ARSF: variants seen among roughly 807,000 people sequenced by gnomAD.
ARSF encodes arylsulfatase F.
ARSF carries 33 observed loss-of-function variants against 35.4 expected under a neutral mutation model. That is an observed-to-expected ratio of 0.93 (90% CI 0.71 to 1.25). The LOEUF (loss-of-function observed/expected upper bound fraction) is 1.25, where lower values mean the gene tolerates loss of function less well. Among genes scored for constraint, ARSF ranks in the 50% most tolerant of loss-of-function variants. ARSF has a pLI of 0.00. For synonymous variants in ARSF, 222 were observed against 193.1 expected, an observed-to-expected ratio of 1.15 and a Z score of -1.24; for missense variants, 501 against 480.2, an observed-to-expected ratio of 1.04 and a Z score of -0.40.
intron 4 of ARSF, 151 bp from the exon 5 acceptor site, chrX:3,080,740 T>C (rs1314150832): frequency 6.5e-6 from 4 of 619,500 alleles, no homozygotes; most frequent in Non-Finnish European, 9.5e-6. Context: ...TTCTTGAGGC[T>C]CCACCCTCCT....
Position 3,110,013 on chromosome X carries a change from G to A in ARSF, c.1266-115G>A, listed in dbSNP as rs768499693. The A allele has an allele frequency of 5.5e-5, 40 of 724,273 alleles. No individual in the cohort carries two copies. The East Asian group carries it at 1.4e-3, about 26-fold the overall frequency. The allele number at this position is 724,273 out of a possible 1,213,427, so 59.7% of individuals were successfully genotyped here. ...ATGAGTTTTCCTAAAGACTCAGTAC[G>A]CTGTCCTCTGGACCTGAGGCATGAC... On this transcript the variant is annotated intron_variant, in intron 9 of 10. Transcript: ENST00000381127.
chrX:3,069,513 T>TG (rs2090088264), intron 2 of ARSF, among the ~76,000 whole-genome samples: 1 of 109,882 alleles, frequency 9.1e-6, no homozygotes, highest in Non-Finnish European at 1.9e-5. Context: ...TTTGTAGGGA[T>TG]GGGGTCTCAC....
At chrX:3,058,578 C>T (rs1480221023) in intron 1 of ARSF, 2 of 320,174 alleles carry the variant, frequency 6.2e-6, no homozygotes, top group Non-Finnish European at 1.2e-5. Flanking sequence ...CTAGGCTGGG[C>T]ATGATGGCTC....
intron 2 of ARSF, among the ~76,000 whole-genome samples, chrX:3,070,956 TG>T (rs2090099242): frequency 1.1e-5 from 1 of 95,122 alleles, no homozygotes; most frequent in Non-Finnish European, 2.1e-5. Flanking sequence ...TGTGTGTGTG[TG>T]TGTGTGTGTG....
chrX:3,054,858 C>G (rs1184594240), intron 1 of ARSF, among the ~76,000 whole-genome samples: 1 of 107,947 alleles, frequency 9.3e-6, no homozygotes, highest in African/African-American at 3.4e-5. Context: ...CTCAGCCTCC[C>G]GAGTAGCTAG....
At chrX:3,061,335 C>T (rs2090040788) in intron 1 of ARSF, among the ~76,000 whole-genome samples, 1 of 111,437 alleles carries the variant, frequency 9.0e-6, no homozygotes, top group South Asian at 3.8e-4. Context: ...CCAGTACCAG[C>T]CACTGCAAAA....
In ARSF at chrX:3,084,448, C is replaced by T; in HGVS notation, c.612C>T (p.Thr204=). Residue 204 remains threonine, a synonymous_variant, in exon 6 of 11, where the codon ACC becomes ACT. Transcript: ENST00000381127. ...TTGCCATTGCCATCCTCACCCTAAC[C>T]TTTGGGAAGCTGAGCGGCTGGGTCT... ...QLVAIAILTL[T]FGKLSGWVSV... is the part of the protein sequence containing the mutation. 8.3e-7 allele frequency: 1 copy of T among 1,211,547 alleles called. No homozygotes were observed. The highest frequency in any genetic ancestry group is 1.8e-5 in the South Asian group (1 of 56,940).
chrX:3,077,106 A>C (rs769592183), intron 4 of ARSF, among the ~76,000 whole-genome samples: 3 of 112,225 alleles, frequency 2.7e-5, no homozygotes, highest in Non-Finnish European at 5.6e-5. Flanking sequence ...GCACTGGCAC[A>C]CACAGCTAGC....
At chrX:3,052,955 A>G (rs771710774) in intron 1 of ARSF, among the ~76,000 whole-genome samples, 2 of 111,315 alleles carry the variant, frequency 1.8e-5, no homozygotes, top group Admixed American at 1.9e-4. Context: ...GCTGAGAAAG[A>G]CTGGGTGAGG....
intron 1 of ARSF, among the ~76,000 whole-genome samples, chrX:3,060,378 A>C (rs973435981): frequency 1.8e-5 from 2 of 112,207 alleles, no homozygotes; most frequent in African/African-American, 6.5e-5. Context: ...GAAAAGCTGA[A>C]AATTCTAAAA....
chrX:3,053,725 C>T (rs988200265), intron 1 of ARSF, among the ~76,000 whole-genome samples: 3 of 107,715 alleles, frequency 2.8e-5, no homozygotes, highest in Non-Finnish European at 3.8e-5. Flanking sequence ...CTCAGCCTTC[C>T]GGACCACAGG....
At chrX:3,051,451 C>T (rs149303464) in intron 1 of ARSF, among the ~76,000 whole-genome samples, 11 of 111,699 alleles carry the variant, frequency 9.8e-5, no homozygotes, top group East Asian at 5.6e-4. Context: ...GGATGTTAAC[C>T]GAAGCTAATG....
intron 1 of ARSF, among the ~76,000 whole-genome samples, chrX:3,059,393 G>T (rs191145617): frequency 8.9e-6 from 1 of 112,027 alleles, no homozygotes; most frequent in Non-Finnish European, 1.9e-5. Context: ...GAAAACGGGT[G>T]ATTTCTGCAT....
At chrX:3,089,792 G>A (rs866258689) in intron 7 of ARSF, among the ~76,000 whole-genome samples, 160 bp downstream of exon 7, 3 of 112,219 alleles carry the variant, frequency 2.7e-5, no homozygotes, top group Non-Finnish European at 5.6e-5. Flanking sequence ...AATTGAGAAA[G>A]TCAGCAAAAA....
rs182309515 is a variant in ARSF at position 3,076,689 on chromosome X, C to G, written c.283+20C>G. 1.1e-4 allele frequency: 132 copies of G among 1,203,593 alleles called. 1 individual carries two copies. In the East Asian group the frequency reaches 1.3e-3, roughly 12 times the overall value. On this transcript the variant is annotated intron_variant, in intron 4 of 10. Transcript: ENST00000381127. ...GATCAGGTGCGCAAACTGGCGGGCTCTGCTGGGCTCTGCCCTCATGTTAGG... is the reference window on the plus strand; with the variant it reads ...GATCAGGTGCGCAAACTGGCGGGCTGTGCTGGGCTCTGCCCTCATGTTAGG...
chrX:3,089,631 G>A lies in ARSF; in HGVS notation c.966G>A (p.Val322=), dbSNP rs1383144865. 1 of 1,208,577 alleles carries A rather than the reference G, an allele frequency of 8.3e-7. No homozygotes were observed. The highest frequency in any genetic ancestry group is 1.1e-6 in the Non-Finnish European group (1 of 894,450). ...ATGTGGAAGAGATGGACTCCATGGT[G>A]GGTAAGTCACAGGACTTAAGTGGAC... ...GDNVEEMDSM[V]GKILDAIDDF... The change falls in exon 7 of 11, where the codon GTG becomes GTA. Residue 322 remains valine (V), a splice_region_variant and synonymous_variant. Coordinates refer to ENST00000381127, the MANE Select transcript of ARSF (RefSeq NM_001201539.2).
chrX:3,070,257 C>T (rs949807733), intron 2 of ARSF, among the ~76,000 whole-genome samples: 14 of 111,604 alleles, frequency 1.3e-4, no homozygotes, highest in African/African-American at 3.6e-4. Flanking sequence ...TAATATTCCA[C>T]GGTGTATATG....
intron 9 of ARSF, among the ~76,000 whole-genome samples, chrX:3,107,378 A>C (rs937205205): frequency 9.0e-6 from 1 of 111,365 alleles, no homozygotes; most frequent in Non-Finnish European, 1.9e-5. Context: ...CCATTAGTGG[A>C]GAAAAAAAGA....
In ARSF at chrX:3,112,406, C is replaced by T. The variant is rs2090452947; in HGVS notation, c.1623C>T (p.His541=). ...IKKVANALKE[H]QETIVPVTYQ... Reference sequence around the variant, plus strand: ...AGGTGGCCAACGCCCTGAAGGAACACCAGGAAACCATCGTGCCTGTGACCT... The same window carrying T: ...AGGTGGCCAACGCCCTGAAGGAACATCAGGAAACCATCGTGCCTGTGACCT... The change falls in exon 11 of 11, where the codon CAC becomes CAT. Residue 541 remains histidine (H), a synonymous_variant. Transcript: ENST00000381127. 8.3e-7 allele frequency: 1 copy of T among 1,211,588 alleles called. No individual in the cohort carries two copies. The highest frequency in any genetic ancestry group is 1.1e-6 in the Non-Finnish European group (1 of 895,492).
Sources: allele counts gnomAD v4.1 joint callset (sites outside exome capture counted in the v4.1 genomes callset), GRCh38; gene constraint gnomAD v4.1.1; transcripts MANE v1.5; gene names NCBI Gene and HGNC (gene_info 2026-07-23, HGNC 2026-07-21).